Variants in KNCN observed in about 807,000 individuals in gnomAD.
The protein encoded by KNCN is kinocilin.
A neutral mutation model predicts 10.4 loss-of-function variants in KNCN; 11 were observed. The observed-to-expected ratio is 1.06, with a 90% CI of 0.67 to 1.75. The LOEUF is 1.75. KNCN is among the 40% of genes most tolerant of loss of function. KNCN has a pLI of 0.00. For synonymous variants in KNCN, 67 were observed against 71.6 expected (o/e 0.94, Z 0.33); for missense variants, 172 against 167.1 (o/e 1.03, Z -0.16).
chr1:46,549,753 C>T (rs1310224319), intron 2 of KNCN, 181 bp downstream of exon 2: 16 of 1,147,530 alleles, frequency 1.4e-5, no homozygotes, highest in South Asian at 7.7e-5. Context: ...TGGATTCTGC[C>T]GTTCTGTAGT....
intron 1 of KNCN, 38 bp from the exon 2 acceptor site, chr1:46,550,040 G>A (rs1475859626): frequency 1.9e-6 from 3 of 1,550,280 alleles, no homozygotes; most frequent in Non-Finnish European, 2.6e-6. Flanking sequence ...ATGGGGAGGA[G>A]CCTGGTGAGT....
rs60803470 is a variant in KNCN, at chr1:46,549,158, A to AG, written c.295+34_295+35insC. 0.015 allele frequency: 23,620 copies of AG among 1,534,796 alleles called. 575 individuals carry two copies. In the East Asian group the frequency reaches 0.21, roughly 13 times the overall value. ...CTCTGTCTCAAAAAAAAAAAAGAAA[A>AG]AAGAAGGATGGACTCGGGAATTTCT... On this transcript the variant is annotated intron_variant, in intron 3 of 3. Coordinates refer to ENST00000481882, the MANE Select transcript of KNCN (RefSeq NM_001322255.2).
intron 1 of KNCN, 58 bp from the exon 2 acceptor site, chr1:46,550,060 G>A: frequency 6.5e-6 from 10 of 1,549,898 alleles, no homozygotes; most frequent in Non-Finnish European, 8.7e-6. Flanking sequence ...TGTTGAGGCT[G>A]TGGGTGGGCT....
Position 46,547,651 on chromosome 1 carries a change from C to G in KNCN, c.*79G>C. 8.6e-7 allele frequency: 1 copy of G among 1,162,818 alleles called. No homozygotes were observed. Among genetic ancestry groups the G allele is most frequent in the Non-Finnish European group, 1.3e-6 (1 of 792,786 alleles). 72.0% of individuals were successfully genotyped at this position (1,162,818 alleles called of 1,614,324 possible). On this transcript the variant is annotated 3_prime_UTR_variant, in exon 4 of 4. Coordinates refer to ENST00000481882, the MANE Select transcript of KNCN (RefSeq NM_001322255.2). The stretch of plus-strand genomic sequence containing the variant: ...CCTGGCTTGTCTCCGGTCCGGGTCT[C>G]CTAACCCAGGAGGGCACTGACATAG...
intron 1 of KNCN, among the ~76,000 whole-genome samples, chr1:46,550,500 G>A (rs1164026408): frequency 6.9e-6 from 1 of 145,878 alleles, no homozygotes; most frequent in African/African-American, 2.5e-5. Flanking sequence ...CTAGCCTGAT[G>A]CTTCTGGTCC....
In KNCN at chr1:46,547,813, G is replaced by A; in HGVS notation, c.296-4C>T. 2 of 1,455,648 alleles carry A rather than the reference G, an allele frequency of 1.4e-6. No homozygotes were observed. The highest frequency in any genetic ancestry group is 2.9e-5 in the South Asian group (2 of 68,040). The allele number at this position is 1,455,648 out of a possible 1,614,324, so 90.2% of individuals were successfully genotyped here. A position where few individuals can be genotyped will look rare whatever the true frequency, so the allele number is the denominator to read the frequency against. ...GTGGACAGGCTGCTGCGGGCTCCTG[G>A]GGGAGAGAACAGGGACGAGGACTGC... is the stretch of plus-strand genomic sequence containing the variant. On this transcript the variant is annotated splice_polypyrimidine_tract_variant and splice_region_variant and intron_variant, in intron 3 of 3. Transcript: ENST00000481882.
At chr1:46,549,800 G>C (rs1032873455) in intron 2 of KNCN, 134 bp downstream of exon 2, 3 of 1,479,232 alleles carry the variant, frequency 2.0e-6, no homozygotes, top group Non-Finnish European at 2.7e-6. Context: ...ACACACAGCA[G>C]CTCTAACACA....
chr1:46,548,928 G>T (rs571073453), intron 3 of KNCN, among the ~76,000 whole-genome samples: 1 of 152,182 alleles, frequency 6.6e-6, no homozygotes, highest in Non-Finnish European at 1.5e-5. Flanking sequence ...ATCACCTGAG[G>T]TTGGGAGTTC....
rs112174216 is a variant in KNCN at position 46,547,835 on chromosome 1, C to T, written c.296-26G>A. ...CTGGGGGAGAGAACAGGGACGAGGA[C>T]TGCCTCCGTAGACAGGTCCCCATGG... On this transcript the variant is annotated intron_variant, in intron 3 of 3. Coordinates refer to ENST00000481882, the MANE Select transcript of KNCN (RefSeq NM_001322255.2). 7.7e-6 allele frequency: 11 copies of T among 1,432,900 alleles called. No homozygotes were observed. In the African/African-American group the frequency reaches 1.0e-4, roughly 13 times the overall value. 88.8% of individuals were successfully genotyped at this position (1,432,900 alleles called of 1,614,324 possible).
rs867603851 is a variant in KNCN at position 46,550,129 on chromosome 1, G to A, written c.152-127C>T. 35 of 1,510,294 alleles carry A rather than the reference G, an allele frequency of 2.3e-5. No individual in the cohort carries two copies. The Middle Eastern group carries it at 9.2e-4, about 40-fold the overall frequency. 93.6% of individuals were successfully genotyped at this position (1,510,294 alleles called of 1,614,324 possible). On this transcript the variant is annotated intron_variant, in intron 1 of 3. Transcript: ENST00000481882. ...GTGCATGGGAGGAGCACAGTGTGCA[G>A]ACTTGGGACTGTGAGTGTGTAAATG...
chr1:46,549,758 T>C (rs1037556930), intron 2 of KNCN, 176 bp downstream of exon 2: 84 of 1,206,704 alleles, frequency 7.0e-5, no homozygotes, highest in Non-Finnish European at 8.9e-5. Context: ...TCTGCCGTTC[T>C]GTAGTCATGG....
Position 46,550,156 on chromosome 1 carries a change from G to A in KNCN, c.152-154C>T, listed in dbSNP as rs755685794. 371 of 1,432,098 alleles carry A rather than the reference G, an allele frequency of 2.6e-4. 2 individuals are homozygous for A. The Middle Eastern group carries it at 8.1e-3, about 31-fold the overall frequency. 88.7% of individuals were successfully genotyped at this position (1,432,098 alleles called of 1,614,324 possible). On this transcript the variant is annotated intron_variant, in intron 1 of 3. Transcript: ENST00000481882. ...CTTGGGACTGTGAGTGTGTAAATGTGAGCCTGTGGGTGTGTGCATCTGGGT... is the reference window on the plus strand; with the variant it reads ...CTTGGGACTGTGAGTGTGTAAATGTAAGCCTGTGGGTGTGTGCATCTGGGT...
intron 1 of KNCN, among the ~76,000 whole-genome samples, chr1:46,550,343 C>T (rs369959873): frequency 8.5e-5 from 13 of 152,252 alleles, no homozygotes; most frequent in African/African-American, 2.6e-4. Context: ...CCCCCAGGGC[C>T]GGACTGGGTG....
In KNCN at chr1:46,551,052, A is replaced by T; in HGVS notation, c.151+13T>A. On this transcript the variant is annotated intron_variant, in intron 1 of 3. Transcript: ENST00000481882. The surrounding 1 kb of genome is among the most constrained non-coding windows in gnomAD (Gnocchi z 4.0). The stretch of plus-strand genomic sequence containing the variant: ...GAATCTCCCTTCCCTATCCCAGCCC[A>T]GCCCCTGCTCACCCAGAACAGCAGC... 6.4e-7 allele frequency: 1 copy of T among 1,572,300 alleles called. No individual in the cohort carries two copies. Among genetic ancestry groups the T allele is most frequent in the Non-Finnish European group, 8.6e-7 (1 of 1,158,114 alleles).
rs201815292 is a variant in KNCN, at chr1:46,547,757, C to G, written c.348G>C (p.Pro116=). The change falls in exon 4 of 4, where the codon CCG becomes CCC. Residue 116 remains proline (P), a synonymous_variant. Coordinates refer to ENST00000481882, the MANE Select transcript of KNCN (RefSeq NM_001322255.2). ...AGCATTCCTCAGCCCCCCGGGTCCC[C>G]GGCTTCAGCTTCTCCAGGGTCCTGC... ...TVSRTLEKLK[P]GTRGAEEC The G allele has an allele frequency of 3.4e-6, 5 of 1,480,134 alleles. No homozygotes were observed. The East Asian group carries it at 9.8e-5, about 29-fold the overall frequency. 91.7% of individuals were successfully genotyped at this position (1,480,134 alleles called of 1,614,324 possible).
At position 46,547,124 on chromosome 1, in the gene KNCN, G is replaced by GTACC. The variant is rs2148506917; in HGVS notation, c.*602_*605dup. 2.9e-6 allele frequency: 1 copy of GTACC among 340,378 alleles called. No homozygotes were observed. Among genetic ancestry groups the GTACC allele is most frequent in the South Asian group, 2.3e-5 (1 of 43,392 alleles). The allele number at this position is 340,378 out of a possible 1,614,324, so 21.1% of individuals were successfully genotyped here. A position where few individuals can be genotyped will look rare whatever the true frequency, so the allele number is the denominator to read the frequency against. Reference sequence around the variant, plus strand: ...CTCTGACCCCCAGGCGAAGTTGTTTGTACCTGTCCCTTTGTGAGCCCCCCA... The same window carrying GTACC: ...CTCTGACCCCCAGGCGAAGTTGTTTGTACCTACCTGTCCCTTTGTGAGCCCCCCA... On this transcript the variant is annotated 3_prime_UTR_variant, in exon 4 of 4. Coordinates refer to ENST00000481882, the MANE Select transcript of KNCN (RefSeq NM_001322255.2).
chr1:46,549,828 C>G, intron 2 of KNCN, 106 bp downstream of exon 2: 1 of 1,540,292 alleles, frequency 6.5e-7, no homozygotes, highest in Non-Finnish European at 8.8e-7. Context: ...AGCGCGGTCT[C>G]ACACATGGGC....
Position 46,549,254 on chromosome 1 carries a change from G to A in KNCN, c.234C>T (p.Ile78=). 1 of 1,612,890 alleles carries A rather than the reference G, an allele frequency of 6.2e-7. No individual in the cohort carries two copies. The highest frequency in any genetic ancestry group is 8.5e-7 in the Non-Finnish European group (1 of 1,179,278). The change falls in exon 3 of 4, where the codon ATC becomes ATT. Residue 78 remains isoleucine, a synonymous_variant. Coordinates refer to ENST00000481882, the MANE Select transcript of KNCN (RefSeq NM_001322255.2). ...CGTGGTCTGCCCCTGGATGGGGATGGATTCTTAGGCTCCCTGCAGGATGAG... is the reference window on the plus strand; with the variant it reads ...CGTGGTCTGCCCCTGGATGGGGATGAATTCTTAGGCTCCCTGCAGGATGAG... ...HILPTIGSLR[I]HPHPGADHGE...
intron 3 of KNCN, among the ~76,000 whole-genome samples, chr1:46,548,879 G>A (rs1434784894): frequency 1.3e-5 from 2 of 152,222 alleles, no homozygotes; most frequent in Non-Finnish European, 2.9e-5. Context: ...GGTGGCTCAC[G>A]CCTATAATCC....
Sources: gnomAD v4.1 joint callset for allele counts (sites outside exome capture counted in the v4.1 genomes callset) on GRCh38, gnomAD v4.1.1 for gene constraint, Gnocchi (gnomAD v3.1) non-coding constraint, MANE v1.5 for transcripts, NCBI Gene and HGNC (gene_info 2026-07-23, HGNC 2026-07-21) for gene names.